The following LALBA variants were observed in gnomAD, a reference collection of about 807,000 sequenced individuals.
The protein encoded by LALBA is lactalbumin alpha.
LALBA carries 12 observed loss-of-function variants against 13.4 expected under a neutral mutation model. The observed-to-expected ratio is 0.89, with a 90% CI of 0.57 to 1.45. The LOEUF is 1.45. LALBA is among the 40% of genes most tolerant of loss of function. The pLI is 0.00. For synonymous variants in LALBA, 64 were observed against 61.0 expected (o/e 1.05, Z -0.23); for missense variants, 145 against 165.9 (o/e 0.87, Z 0.69).
At position 48,569,135 on chromosome 12, in the gene LALBA, C is replaced by T. The variant is rs1565588457; in HGVS notation, c.239G>A (p.Cys80Tyr). 1.9e-6 allele frequency: 3 copies of T among 1,613,758 alleles called. No individual in the cohort carries two copies. The highest frequency in any genetic ancestry group is 1.7e-6 in the Non-Finnish European group (2 of 1,179,906). Residue 80 changes from cysteine (C) to tyrosine (Y), a missense_variant, in exon 2 of 4, where the codon TGC (cysteine) becomes TAC (tyrosine). Cys to Tyr is a radical substitution (Grantham distance 194). Coordinates refer to ENST00000301046, the MANE Select transcript of LALBA (RefSeq NM_002289.3). Reference sequence around the variant, plus strand: ...TGACTGAGGGACCTGGCTGCTCTTGCACCAAAGCTTATTACTGATCTGGAA... The same window carrying T: ...TGACTGAGGGACCTGGCTGCTCTTGTACCAAAGCTTATTACTGATCTGGAA... ...GLFQISNKLW[C>Y]KSSQVPQSRN...
chr12:48,570,882 CAGGAGGAACACTTG>C (rs1273915884), upstream of LALBA, among the ~76,000 whole-genome samples: 1 of 150,028 alleles, frequency 6.7e-6, no homozygotes, highest in Non-Finnish European at 1.5e-5. Flanking sequence ...GGGGCTGAGG[CAGGAGGAACACTTG>C]AGCACAGGAG....
chr12:48,568,781 T>TA (rs1482296665), intron 2 of LALBA, among the ~76,000 whole-genome samples, 189 bp from the exon 3 acceptor site: 1 of 152,178 alleles, frequency 6.6e-6, no homozygotes, highest in African/African-American at 2.4e-5. Context: ...TTCCCTGGGA[T>TA]ATCTCTGGAG....
At chr12:48,568,707 G>A (rs890666533) in intron 2 of LALBA, 115 bp from the exon 3 acceptor site, 100 of 661,220 alleles carry the variant, frequency 1.5e-4, no homozygotes, top group Non-Finnish European at 3.1e-5. Flanking sequence ...GCTTGTGCCT[G>A]TTGTCTTTCT....
chr12:48,571,557 G>A (rs922750610), upstream of LALBA, among the ~76,000 whole-genome samples: 1 of 151,688 alleles, frequency 6.6e-6, no homozygotes, highest in African/African-American at 2.4e-5. Context: ...GTTAATTTAT[G>A]TATTTTTAGT....
chr12:48,568,606 C>T lies in LALBA; in HGVS notation c.293-14G>A. The T allele has an allele frequency of 6.5e-7, 1 of 1,540,268 alleles. No homozygotes were observed. Among genetic ancestry groups the T allele is most frequent in the Non-Finnish European group, 8.9e-7 (1 of 1,118,526 alleles). On this transcript the variant is annotated splice_polypyrimidine_tract_variant and intron_variant, in intron 2 of 3. Coordinates refer to ENST00000301046, the MANE Select transcript of LALBA (RefSeq NM_002289.3). Reference sequence around the variant, plus strand: ...CATCCAGGAACTCTGGCAGGAGTTACAGGGAAAGGATTGAGACAGCTGACA... The same window carrying T: ...CATCCAGGAACTCTGGCAGGAGTTATAGGGAAAGGATTGAGACAGCTGACA...
chr12:48,570,059 C>G (rs1239356209), upstream of LALBA: 2 of 1,611,206 alleles, frequency 1.2e-6, no homozygotes, highest in Non-Finnish European at 1.7e-6. Context: ...AAGCATCACT[C>G]AGTTTCATTT....
Position 48,568,505 on chromosome 12 carries a change from A to G in LALBA, c.368+12T>C. The G allele has an allele frequency of 6.8e-7, 1 of 1,459,944 alleles. No homozygotes were observed. Among genetic ancestry groups the G allele is most frequent in the South Asian group, 1.1e-5 (1 of 87,750 alleles). 90.4% of individuals were successfully genotyped at this position (1,459,944 alleles called of 1,614,324 possible). ...GGAGGATGGGGAAATAGAAAATAGA[A>G]TAAGGATTCACCAGTAGTCAATTCC... On this transcript the variant is annotated intron_variant, in intron 3 of 3. Transcript: ENST00000301046.
chr12:48,570,178 C>T (rs78449653), upstream of LALBA: 1,994 of 725,200 alleles, frequency 2.7e-3, 43 homozygotes, highest in East Asian at 0.043. Flanking sequence ...AGCCTGCCAG[C>T]TTCCTTCCAT....
chr12:48,569,164 T>A lies in LALBA; in HGVS notation c.210A>T (p.Gly70=). 2 of 1,613,428 alleles carry A rather than the reference T, an allele frequency of 1.2e-6. No individual in the cohort carries two copies. The highest frequency in any genetic ancestry group is 1.3e-5 in the African/African-American group (1 of 74,950). Residue 70 remains glycine (G), a synonymous_variant, in exon 2 of 4, where the codon GGA becomes GGT. Transcript: ENST00000301046. ...IVENNESTEY[G]LFQISNKLWC... ...AAAGCTTATTACTGATCTGGAAGAGTCCATATTCCGTGCTTTCATTGTTTT... is the reference window on the plus strand; with the variant it reads ...AAAGCTTATTACTGATCTGGAAGAGACCATATTCCGTGCTTTCATTGTTTT...
At chr12:48,571,386 C>CTTTTTTT (rs60444004), upstream of LALBA, among the ~76,000 whole-genome samples, 75,850 of 97,704 alleles carry the variant, frequency 0.78, 30,922 homozygotes, top group East Asian at 0.82. Context: ...CTTCTTCTTC[C>CTTTTTTT]TTTTTTTTTT....
At chr12:48,570,488 ACAGTCC>A (rs750179606), upstream of LALBA, among the ~76,000 whole-genome samples, 1 of 152,168 alleles carries the variant, frequency 6.6e-6, no homozygotes, top group Non-Finnish European at 1.5e-5. Context: ...ATCACATGCC[ACAGTCC>A]CAGGATCAGA....
At chr12:48,569,657 G>C (rs1938609049) in intron 1 of LALBA, among the ~76,000 whole-genome samples, 1 of 152,040 alleles carries the variant, frequency 6.6e-6, no homozygotes, top group Non-Finnish European at 1.5e-5. Context: ...AGGTTGCAGT[G>C]AGCCGAGATT....
At chr12:48,571,386 C>CTTTTTTTTTT (rs60444004), upstream of LALBA, among the ~76,000 whole-genome samples, 60 of 98,018 alleles carry the variant, frequency 6.1e-4, 1 homozygote, top group Non-Finnish European at 7.7e-4. Context: ...CTTCTTCTTC[C>CTTTTTTTTTT]TTTTTTTTTT....
chr12:48,567,769 T>G lies in LALBA; in HGVS notation c.*188A>C, dbSNP rs1938585333. ...CCATCGAAGGCACTGAGTAAGGGTC[T>G]AGAGCTCAGTGCACCACTCAGGCAT... On this transcript the variant is annotated 3_prime_UTR_variant, in exon 4 of 4. Transcript: ENST00000301046. 2 of 588,978 alleles carry G rather than the reference T, an allele frequency of 3.4e-6. No individual in the cohort carries two copies. Among genetic ancestry groups the G allele is most frequent in the African/African-American group, 1.9e-5 (1 of 53,588 alleles). 36.5% of individuals were successfully genotyped at this position (588,978 alleles called of 1,614,324 possible). A position where few individuals can be genotyped will look rare whatever the true frequency, so the allele number is the denominator to read the frequency against.
upstream of LALBA, among the ~76,000 whole-genome samples, chr12:48,571,640 C>T (rs1938635391): frequency 1.3e-5 from 2 of 152,070 alleles, no homozygotes; most frequent in South Asian, 4.1e-4. Context: ...CTGCCTGGGC[C>T]TCGGCCTCCC....
chr12:48,567,713 CAG>C lies in LALBA; in HGVS notation c.*242_*243del. On this transcript the variant is annotated 3_prime_UTR_variant, in exon 4 of 4. Coordinates refer to ENST00000301046, the MANE Select transcript of LALBA (RefSeq NM_002289.3). ...TTCAAAGTGGGACCTTTATTCAAGACAGAGGTGAAATCTGTGCTGTAGTGAAA... is the reference window on the plus strand; with the variant it reads ...TTCAAAGTGGGACCTTTATTCAAGACAGGTGAAATCTGTGCTGTAGTGAAA... 1 of 427,600 alleles carries C rather than the reference CAG, an allele frequency of 2.3e-6. No individual in the cohort carries two copies. 26.5% of individuals were successfully genotyped at this position (427,600 alleles called of 1,614,324 possible).
At chr12:48,570,051 G>A, upstream of LALBA, 2 of 1,612,324 alleles carry the variant, frequency 1.2e-6, no homozygotes, top group Admixed American at 1.7e-5. Context: ...TGAAATGGAA[G>A]CATCACTCAG....
At position 48,569,079 on chromosome 12, in the gene LALBA, C is replaced by G. The variant is rs1367550787; in HGVS notation, c.292+3G>C. The stretch of plus-strand genomic sequence containing the variant: ...GAGAAAGAGGGTTATAGGGGCTACT[C>G]ACTGTCACAGGAGATGTCACAGATG... On this transcript the variant is annotated splice_donor_region_variant and intron_variant, in intron 2 of 3. Coordinates refer to ENST00000301046, the MANE Select transcript of LALBA (RefSeq NM_002289.3). 1.9e-6 allele frequency: 3 copies of G among 1,606,970 alleles called. No homozygotes were observed. Among genetic ancestry groups the G allele is most frequent in the Non-Finnish European group, 2.5e-6 (3 of 1,178,120 alleles).
At chr12:48,568,701 G>A in intron 2 of LALBA, 109 bp from the exon 3 acceptor site, 1 of 675,334 alleles carries the variant, frequency 1.5e-6, no homozygotes, top group Non-Finnish European at 2.6e-6. Context: ...CTCAAGGCTT[G>A]TGCCTGTTGT....
Sources: gnomAD v4.1 joint callset for allele counts (sites outside exome capture counted in the v4.1 genomes callset) on GRCh38, gnomAD v4.1.1 for gene constraint, MANE v1.5 for transcripts, NCBI Gene and HGNC (gene_info 2026-07-23, HGNC 2026-07-21) for gene names.